ZNF536: variants seen among roughly 807,000 people sequenced by gnomAD.
ZNF536 encodes the protein zinc finger protein 536.
A neutral mutation model predicts 84.5 loss-of-function variants in ZNF536; 13 were observed. The ratio of observed to expected loss-of-function variants is 0.15; its 90% CI spans 0.10 to 0.24. The LOEUF (loss-of-function observed/expected upper bound fraction) is 0.24. ZNF536 is among the 10% of genes least tolerant of loss of function. ZNF536 has a pLI of 1.00. For synonymous variants in ZNF536, 811 were observed against 742.5 expected (o/e 1.09, Z -1.50); for missense variants, 1,536 against 1,747.5 (o/e 0.88, Z 2.16).
intron 1 of ZNF536, among the ~76,000 whole-genome samples, chr19:30,274,920 G>A (rs550734047): frequency 6.6e-6 from 1 of 152,328 alleles, no homozygotes; most frequent in South Asian, 2.1e-4. Flanking sequence ...TTTCTGTAAA[G>A]CGATACGTAT....
intron 1 of ZNF536, among the ~76,000 whole-genome samples, chr19:30,605,947 G>A (rs963352609): frequency 4.6e-5 from 7 of 151,962 alleles, no homozygotes; most frequent in African/African-American, 1.7e-4. Flanking sequence ...TTGGCCATTT[G>A]AAAAGCCTGG....
chr19:30,325,005 G>A (rs1665480253), intron 2 of ZNF536, among the ~76,000 whole-genome samples: 1 of 152,160 alleles, frequency 6.6e-6, no homozygotes, highest in African/African-American at 2.4e-5. Flanking sequence ...GTCATACAAT[G>A]GGTGTGAGTG....
intron 3 of ZNF536, among the ~76,000 whole-genome samples, chr19:30,540,497 TG>T (rs2045287593): frequency 6.6e-6 from 1 of 152,156 alleles, no homozygotes. Flanking sequence ...GCAGGCTCTG[TG>T]CTAGACACTT....
At chr19:30,449,510 A>G (rs1004914855) in intron 2 of ZNF536, among the ~76,000 whole-genome samples, 1 of 152,184 alleles carries the variant, frequency 6.6e-6, no homozygotes, top group Non-Finnish European at 1.5e-5. Flanking sequence ...TTAAAACTTA[A>G]TGTACTAAGA....
Position 30,439,807 on chromosome 19 carries a change from C to G in ZNF536, c.-2-3754C>G, listed in dbSNP as rs572848723. ...CGGTCAGTTAAGTTCTAAAGGGAAC[C>G]ATTGCTGTGTCTCCTAGTATTCAGC... On this transcript the variant is annotated intron_variant, in intron 1 of 4. Coordinates refer to ENST00000355537, the MANE Select transcript of ZNF536 (RefSeq NM_014717.3). Among the ~76,000 whole-genome samples, 10 of 152,200 alleles carry G rather than the reference C, an allele frequency of 6.6e-5. No individual in the cohort carries two copies. The East Asian group carries it at 1.7e-3, about 27-fold the overall frequency.
At chr19:30,285,335 C>T (rs933062930) in intron 2 of ZNF536, among the ~76,000 whole-genome samples, 2 of 152,172 alleles carry the variant, frequency 1.3e-5, no homozygotes, top group African/African-American at 4.8e-5. Context: ...GTGAACTCCA[C>T]ATCTGTAGGC....
intron 1 of ZNF536, among the ~76,000 whole-genome samples, chr19:30,664,936 G>A (rs536051062): frequency 6.6e-6 from 1 of 152,216 alleles, no homozygotes; most frequent in African/African-American, 2.4e-5. Context: ...CCTATAAATA[G>A]GTCACAATAG....
chr19:30,391,495 G>T (rs757832458), intron 1 of ZNF536, among the ~76,000 whole-genome samples: 3 of 152,216 alleles, frequency 2.0e-5, no homozygotes, highest in Non-Finnish European at 2.9e-5. Flanking sequence ...AGAATCTCTT[G>T]AAGCCGGGAG....
chr19:30,531,592 C>T (rs1568522510), intron 2 of ZNF536, among the ~76,000 whole-genome samples: 2 of 152,078 alleles, frequency 1.3e-5, no homozygotes, highest in African/African-American at 2.4e-5. Flanking sequence ...CCTTGCTCCC[C>T]TCCCTACCTC....
At chr19:30,268,894 T>A (rs1037446221) in intron 1 of ZNF536, among the ~76,000 whole-genome samples, 1 of 152,168 alleles carries the variant, frequency 6.6e-6, no homozygotes, top group African/African-American at 2.4e-5. Flanking sequence ...TTTCTTGCTT[T>A]TAGGTAGTGG....
At chr19:30,539,822 G>T (rs1288084837) in intron 3 of ZNF536, among the ~76,000 whole-genome samples, 2 of 152,194 alleles carry the variant, frequency 1.3e-5, no homozygotes, top group Non-Finnish European at 2.9e-5. Flanking sequence ...AGCACCTCAT[G>T]CGTGGCTGCG....
chr19:30,513,519 T>G (rs964207054), intron 2 of ZNF536, among the ~76,000 whole-genome samples: 3 of 152,198 alleles, frequency 2.0e-5, no homozygotes, highest in African/African-American at 7.2e-5. Context: ...CAATCAGCAG[T>G]CTGTAATAGT....
At chr19:30,658,701 T>C (rs1442535497) in intron 1 of ZNF536, among the ~76,000 whole-genome samples, 2 of 152,202 alleles carry the variant, frequency 1.3e-5, no homozygotes, top group Non-Finnish European at 2.9e-5. Flanking sequence ...ATTATGTGTG[T>C]TTGACTTCTT....
At chr19:30,268,506 T>C (rs2025645913) in intron 1 of ZNF536, among the ~76,000 whole-genome samples, 1 of 151,976 alleles carries the variant, frequency 6.6e-6, no homozygotes, top group African/African-American at 2.4e-5. Context: ...TCCCAGGGAG[T>C]GCTGGCTCTC....
chr19:30,375,222 C>T (rs982387596), intron 1 of ZNF536, among the ~76,000 whole-genome samples: 1 of 148,738 alleles, frequency 6.7e-6, no homozygotes, highest in South Asian at 2.1e-4. Context: ...AGTGCCACCC[C>T]GAGGCCGAGC....
chr19:30,615,181 G>T (rs1171570507), intron 1 of ZNF536, among the ~76,000 whole-genome samples: 2 of 149,318 alleles, frequency 1.3e-5, no homozygotes, highest in Non-Finnish European at 3.0e-5. Context: ...TCCTGACCTC[G>T]TGATCCGCCC....
chr19:30,566,633 G>A lies in ZNF536; in HGVS notation c.169+17119G>A, dbSNP rs10422262. ...GGAGGTCCCTGGGAGTGGCCTCTCC[G>A]GGCAGTGGGGGGATCCCTGCCTGTG... is the stretch of plus-strand genomic sequence containing the variant. On this transcript the variant is annotated intron_variant, in intron 1 of 1. Coordinates refer to the ZNF536 transcript ENST00000592773. 5.7e-3 allele frequency among the ~76,000 whole-genome samples: 865 copies of A among 152,192 alleles called. 15 individuals carry two copies. The highest frequency in any genetic ancestry group is 0.02 in the African/African-American group (840 of 41,520).
At chr19:30,662,282 G>A (rs2050147712) in intron 1 of ZNF536, among the ~76,000 whole-genome samples, 1 of 152,206 alleles carries the variant, frequency 6.6e-6, no homozygotes, top group Non-Finnish European at 1.5e-5. Context: ...CCTTAATGCA[G>A]GAGCACTTTA....
intron 1 of ZNF536, among the ~76,000 whole-genome samples, chr19:30,263,726 G>C (rs1275495425): frequency 6.6e-6 from 1 of 152,102 alleles, no homozygotes; most frequent in Non-Finnish European, 1.5e-5. Context: ...ACGCGTGTGT[G>C]TATTTCATAC....
Sources: gnomAD v4.1 joint callset for allele counts (sites outside exome capture counted in the v4.1 genomes callset) on GRCh38, gnomAD v4.1.1 for gene constraint, MANE v1.5 for transcripts, NCBI Gene and HGNC (gene_info 2026-07-23, HGNC 2026-07-21) for gene names.